Variants in SERPINA5 observed in about 807,000 individuals in gnomAD.
SERPINA5 encodes the protein serpin family A member 5.
SERPINA5 carries 25 observed loss-of-function variants against 25.3 expected under a neutral mutation model. That is an observed-to-expected ratio of 0.99 (90% CI 0.72 to 1.38). SERPINA5 has a LOEUF of 1.38. Among genes scored for constraint, SERPINA5 ranks in the 40% most tolerant of loss-of-function variants. The pLI is 0.00. For synonymous variants in SERPINA5, 234 were observed against 206.2 expected (o/e 1.14, Z -1.16); for missense variants, 599 against 509.5 (o/e 1.18, Z -1.69).
rs6111 is a variant in SERPINA5 at position 94,587,554 on chromosome 14, C to T, written c.192C>T (p.Ser64=). 203,898 of 1,613,706 alleles carry T rather than the reference C, an allele frequency of 0.13. 20,786 individuals are homozygous for T. Among genetic ancestry groups the T allele is most frequent in the African/African-American group, 0.54 (40,556 of 74,904 alleles). ...RALASAAPSQ[S]IFFSPVSISM... ...TGGCTTCCGCTGCCCCCAGCCAGAG[C>T]ATCTTCTTCTCCCCTGTGAGCATCT... Residue 64 remains serine, a synonymous_variant, in exon 3 of 6, where the codon AGC becomes AGT. Coordinates refer to ENST00000329597, the MANE Select transcript of SERPINA5 (RefSeq NM_000624.6).
In SERPINA5 at chr14:94,586,430, CCTTCTCCCTGT is replaced by C. The variant is rs201124694; in HGVS notation, c.-17-911_-17-901del. ...CCTCTCCTTGGCTCACAGGTGGCTGCCTTCTCCCTGTCTTCACCTGGTCTTCCCTCTGTGCA... is the reference window on the plus strand; with the variant it reads ...CCTCTCCTTGGCTCACAGGTGGCTGCCTTCACCTGGTCTTCCCTCTGTGCA... On this transcript the variant is annotated intron_variant, in intron 2 of 5. Coordinates refer to ENST00000329597, the MANE Select transcript of SERPINA5 (RefSeq NM_000624.6). Among the ~76,000 whole-genome samples the C allele has an allele frequency of 4.8e-3, 736 of 152,266 alleles. 8 individuals carry two copies. Among genetic ancestry groups the C allele is most frequent in the Middle Eastern group, 0.017 (5 of 294 alleles).
Position 94,592,263 on chromosome 14 carries a change from C to T in SERPINA5, c.*24C>T, listed in dbSNP as rs746791317. The T allele has an allele frequency of 1.2e-5, 20 of 1,601,700 alleles. No individual in the cohort carries two copies. Among genetic ancestry groups the T allele is most frequent in the Non-Finnish European group, 6.0e-6 (7 of 1,172,486 alleles). On this transcript the variant is annotated 3_prime_UTR_variant, in exon 6 of 6. Coordinates refer to ENST00000329597, the MANE Select transcript of SERPINA5 (RefSeq NM_000624.6). ...GAGGTGGGGCTTCTCCTGAAATCTA[C>T]AGGCCTCAGGGTGGGAGATGAAGGG...
At chr14:94,581,526 C>A (rs1430739039) in intron 1 of SERPINA5, 36 bp downstream of exon 1, 1 of 152,320 alleles carries the variant, frequency 6.6e-6, no homozygotes, top group Non-Finnish European at 1.5e-5. Context: ...GTCCCCAGGG[C>A]TTGAGGGCAT....
chr14:94,587,940 G>A lies in SERPINA5; in HGVS notation c.578G>A (p.Ser193Asn), dbSNP rs909454890. ...KIVDLLKNLD[S>N]NAVVIMVNYI... ...GTGGACTTGCTTAAGAACCTCGATA[G>A]CAATGCGGTCGTGATCATGGTGAAT... Residue 193 changes from serine (S) to asparagine (N), a missense_variant, in exon 3 of 6, where the codon AGC becomes AAC. Coordinates refer to ENST00000329597, the MANE Select transcript of SERPINA5 (RefSeq NM_000624.6). 2 of 1,614,236 alleles carry A rather than the reference G, an allele frequency of 1.2e-6. No individual in the cohort carries two copies. The highest frequency in any genetic ancestry group is 2.2e-5 in the East Asian group (1 of 44,892).
Position 94,590,130 on chromosome 14 carries a change from A to G in SERPINA5, c.709A>G (p.Ser237Gly). 6.2e-7 allele frequency: 1 copy of G among 1,614,078 alleles called. No individual in the cohort carries two copies. The highest frequency in any genetic ancestry group is 8.5e-7 in the Non-Finnish European group (1 of 1,179,996). Residue 237 changes from serine (S) to glycine (G), a missense_variant, in exon 4 of 6, where the codon AGC (serine) becomes GGC (glycine). By Grantham distance (56) the Ser-to-Gly change is moderately conservative. Transcript: ENST00000329597. ...SETVVRVPMM[S>G]REDQYHYLLD... ...GACTGTGGTGCGGGTACCCATGATG[A>G]GCCGCGAGGATCAGTATCACTACCT...
chr14:94,583,889 G>A (rs1884992589), intron 2 of SERPINA5, among the ~76,000 whole-genome samples: 1 of 152,188 alleles, frequency 6.6e-6, no homozygotes, highest in Non-Finnish European at 1.5e-5. Flanking sequence ...ACCTGTCTCT[G>A]TCAAAGCCAT....
At position 94,587,783 on chromosome 14, in the gene SERPINA5, C is replaced by G. The variant is rs780738589; in HGVS notation, c.421C>G (p.Leu141Val). The change falls in exon 3 of 6, where the codon CTG becomes GTG. Residue 141 changes from leucine to valine, a missense_variant. Leu to Val is a conservative substitution (Grantham distance 32). Coordinates refer to ENST00000329597, the MANE Select transcript of SERPINA5 (RefSeq NM_000624.6). ...NALFTDLVVD[L>V]QDTFVSAMKT... The stretch of plus-strand genomic sequence containing the variant: ...CCTTTTCACCGACCTGGTGGTAGAC[C>G]TGCAGGACACCTTCGTAAGTGCCAT... 6.2e-7 allele frequency: 1 copy of G among 1,614,204 alleles called. No individual in the cohort carries two copies. Among genetic ancestry groups the G allele is most frequent in the Non-Finnish European group, 8.5e-7 (1 of 1,180,032 alleles).
At chr14:94,589,058 T>C (rs1885189031) in intron 3 of SERPINA5, among the ~76,000 whole-genome samples, 2 of 152,188 alleles carry the variant, frequency 1.3e-5, no homozygotes, top group African/African-American at 4.8e-5. Context: ...TATCCCCTGG[T>C]GCAGGGCAGT....
At chr14:94,585,695 C>T (rs1478003643) in intron 2 of SERPINA5, among the ~76,000 whole-genome samples, 1 of 152,110 alleles carries the variant, frequency 6.6e-6, no homozygotes, top group Non-Finnish European at 1.5e-5. Flanking sequence ...CAGGGCAAAG[C>T]TCACATCAGA....
chr14:94,587,802 G>C lies in SERPINA5; in HGVS notation c.440G>C (p.Ser147Thr). 1 of 1,614,164 alleles carries C rather than the reference G, an allele frequency of 6.2e-7. No homozygotes were observed. The highest frequency in any genetic ancestry group is 1.7e-5 in the Admixed American group (1 of 60,034). The stretch of plus-strand genomic sequence containing the variant: ...GTAGACCTGCAGGACACCTTCGTAA[G>C]TGCCATGAAGACGCTGTACCTGGCA... ...LVVDLQDTFV[S>T]AMKTLYLADT... Residue 147 changes from serine to threonine, a missense_variant, in exon 3 of 6, where the codon AGT becomes ACT. Transcript: ENST00000329597.
intron 3 of SERPINA5, among the ~76,000 whole-genome samples, chr14:94,588,536 C>T (rs1294784130): frequency 6.6e-6 from 1 of 152,146 alleles, no homozygotes; most frequent in Non-Finnish European, 1.5e-5. Flanking sequence ...CTCTGCAGCT[C>T]CTGCCAGTTG....
At chr14:94,590,650 C>A in intron 4 of SERPINA5, 99 bp from the exon 5 acceptor site, 2 of 1,368,948 alleles carry the variant, frequency 1.5e-6, no homozygotes, top group Non-Finnish European at 9.9e-7. Flanking sequence ...TTTTTAAAAC[C>A]ATCAAAACTA....
At position 94,593,090 on chromosome 14, in the gene SERPINA5, A is replaced by G. The variant is rs1235730240; in HGVS notation, c.*851A>G. ...CTAACTTTTTGAATTCTATGTTGGC[A>G]TTAACAATAAAGCATTTTGCAAACA... On this transcript the variant is annotated 3_prime_UTR_variant, in exon 6 of 6. Coordinates refer to ENST00000329597, the MANE Select transcript of SERPINA5 (RefSeq NM_000624.6). 1 of 152,024 alleles carries G rather than the reference A, an allele frequency of 6.6e-6. No homozygotes were observed. 9.4% of individuals were successfully genotyped at this position (152,024 alleles called of 1,614,324 possible). A position where few individuals can be genotyped will look rare whatever the true frequency, so the allele number is the denominator to read the frequency against.
Position 94,590,905 on chromosome 14 carries a change from A to T in SERPINA5, c.1038+9A>T. On this transcript the variant is annotated intron_variant, in intron 5 of 5. Coordinates refer to ENST00000329597, the MANE Select transcript of SERPINA5 (RefSeq NM_000624.6). ...ATATCCAGGTGTCTGAGGTGGGTTC[A>T]GAAGCTCCTATGCATCTGCTTCCCA... 2.5e-6 allele frequency: 4 copies of T among 1,606,302 alleles called. No individual in the cohort carries two copies. Among genetic ancestry groups the T allele is most frequent in the Non-Finnish European group, 2.6e-6 (3 of 1,175,134 alleles).
At chr14:94,583,554 T>G (rs1286219387) in intron 2 of SERPINA5, among the ~76,000 whole-genome samples, 2 of 152,178 alleles carry the variant, frequency 1.3e-5, no homozygotes, top group Non-Finnish European at 2.9e-5. Context: ...GGACAGACCG[T>G]CCTCACTAAC....
In SERPINA5 at chr14:94,587,928, A is replaced by G. The variant is rs755597161; in HGVS notation, c.566A>G (p.Lys189Arg). The G allele has an allele frequency of 1.2e-6, 2 of 1,614,142 alleles. No individual in the cohort carries two copies. The highest frequency in any genetic ancestry group is 4.5e-5 in the East Asian group (2 of 44,902). Residue 189 changes from lysine to arginine, a missense_variant, in exon 3 of 6, where the codon AAG becomes AGG. Physicochemically the swap from Lys to Arg is conservative, Grantham distance 26 (BLOSUM62 2). Coordinates refer to ENST00000329597, the MANE Select transcript of SERPINA5 (RefSeq NM_000624.6). ...QTKGKIVDLL[K>R]NLDSNAVVIM... is the part of the protein sequence containing the mutation. ...AAGGGCAAGATTGTGGACTTGCTTA[A>G]GAACCTCGATAGCAATGCGGTCGTG...
At chr14:94,590,384 C>A (rs1396235497) in intron 4 of SERPINA5, 73 bp downstream of exon 4, 1 of 1,487,498 alleles carries the variant, frequency 6.7e-7, no homozygotes, top group African/African-American at 1.4e-5. Context: ...CTACCAGGGC[C>A]ACACAGCACT....
In SERPINA5 at chr14:94,587,897, C is replaced by G. The variant is rs763945190; in HGVS notation, c.535C>G (p.Gln179Glu). 1.9e-6 allele frequency: 3 copies of G among 1,614,112 alleles called. No individual in the cohort carries two copies. The highest frequency in any genetic ancestry group is 1.7e-6 in the Non-Finnish European group (2 of 1,180,054). The change falls in exon 3 of 6, where the codon CAA becomes GAA. Residue 179 changes from glutamine (Q) to glutamate (E), a missense_variant. Coordinates refer to ENST00000329597, the MANE Select transcript of SERPINA5 (RefSeq NM_000624.6). ...GCAGATCAATGATTATGTGGCAAAG[C>G]AAACGAAGGGCAAGATTGTGGACTT... Reference protein sequence around the residue: ...MKQINDYVAKQTKGKIVDLLK... With the variant: ...MKQINDYVAKETKGKIVDLLK...
At position 94,590,649 on chromosome 14, in the gene SERPINA5, C is replaced by T. The variant is rs980384428; in HGVS notation, c.891-100C>T. On this transcript the variant is annotated intron_variant, in intron 4 of 5. Coordinates refer to ENST00000329597, the MANE Select transcript of SERPINA5 (RefSeq NM_000624.6). ...TGGGTTAAGGAGTCCTTTTTTAAAA[C>T]CATCAAAACTAAGAATCCAGTGCAT... The T allele has an allele frequency of 7.6e-5, 103 of 1,360,354 alleles. 8 individuals carry two copies. Among genetic ancestry groups the T allele is most frequent in the South Asian group, 1.5e-5 (1 of 66,982 alleles). 84.3% of individuals were successfully genotyped at this position (1,360,354 alleles called of 1,614,324 possible).
Sources: gnomAD v4.1 joint callset for allele counts (sites outside exome capture counted in the v4.1 genomes callset) on GRCh38, gnomAD v4.1.1 for gene constraint, MANE v1.5 for transcripts, NCBI Gene and HGNC (gene_info 2026-07-23, HGNC 2026-07-21) for gene names.